Variants in NSMCE2 observed in about 807,000 individuals in gnomAD.
The protein encoded by NSMCE2 is NSE2 SUMO ligase component of SMC5/6 complex.
Under a neutral mutation model 23.8 loss-of-function variants are expected in NSMCE2, and 24 were observed. The ratio of observed to expected loss-of-function variants is 1.01; its 90% CI spans 0.73 to 1.42. NSMCE2 has a LOEUF of 1.42. NSMCE2 is among the 40% of genes most tolerant of loss of function. The probability of loss-of-function intolerance (pLI) is 0.00; values close to 1 mark genes in which losing one functional copy is unlikely to be tolerated. For missense variants in NSMCE2, 284 were observed against 296.5 expected (o/e 0.96, Z 0.31); for synonymous variants, 92 against 94.1 (o/e 0.98, Z 0.13).
At chr8:125,149,539 T>G (rs1366999224) in intron 3 of NSMCE2, among the ~76,000 whole-genome samples, 1 of 152,138 alleles carries the variant, frequency 6.6e-6, no homozygotes, top group Non-Finnish European at 1.5e-5. Context: ...AATTCAAAGT[T>G]TTTAGTTGAA....
At chr8:125,263,069 T>C (rs1388536323) in intron 5 of NSMCE2, among the ~76,000 whole-genome samples, 1 of 152,206 alleles carries the variant, frequency 6.6e-6, no homozygotes, top group East Asian at 1.9e-4. Context: ...GAATGATAAC[T>C]ATAGTGAATG....
At chr8:125,200,937 T>C (rs144059176) in intron 5 of NSMCE2, among the ~76,000 whole-genome samples, 3 of 152,210 alleles carry the variant, frequency 2.0e-5, no homozygotes, top group African/African-American at 4.8e-5. Context: ...ATCACTGATA[T>C]CATTTCTTCC....
chr8:125,275,749 A>G (rs1289985972), intron 5 of NSMCE2, among the ~76,000 whole-genome samples: 2 of 151,842 alleles, frequency 1.3e-5, no homozygotes, highest in East Asian at 1.9e-4. Context: ...CCACAATCCT[A>G]TGAATAAATA....
chr8:125,306,890 C>A lies in NSMCE2; in HGVS notation c.419-50329C>A, dbSNP rs1469883439. The stretch of plus-strand genomic sequence containing the variant: ...GATGGGAATATAATGATATTACCTA[C>A]ATCCTTAGCATTATGTGAGGAATAA... On this transcript the variant is annotated intron_variant, in intron 5 of 7. Coordinates refer to ENST00000287437, the MANE Select transcript of NSMCE2 (RefSeq NM_173685.4). 2.6e-5 allele frequency among the ~76,000 whole-genome samples: 4 copies of A among 152,338 alleles called. No homozygotes were observed. In the East Asian group the frequency reaches 5.8e-4, roughly 22 times the overall value.
At position 125,153,674 on chromosome 8, in the gene NSMCE2, T is replaced by A. The variant is rs553376277; in HGVS notation, c.264+2397T>A. 1.1e-3 allele frequency among the ~76,000 whole-genome samples: 161 copies of A among 152,318 alleles called. 3 individuals carry two copies. The highest frequency in any genetic ancestry group is 1.3e-3 in the Non-Finnish European group (86 of 68,022). ...AGTTATGATCCCTGGTCAAGAAACC[T>A]AACCTCTTGAAAACTCATGTTTTTT... On this transcript the variant is annotated intron_variant, in intron 4 of 7. Coordinates refer to ENST00000287437, the MANE Select transcript of NSMCE2 (RefSeq NM_173685.4).
At chr8:125,111,610 G>A (rs1010793750) in intron 3 of NSMCE2, among the ~76,000 whole-genome samples, 21 of 152,174 alleles carry the variant, frequency 1.4e-4, no homozygotes, top group Non-Finnish European at 8.8e-5. Flanking sequence ...GATCAGCCTG[G>A]CCAACATGGT....
chr8:125,191,546 C>T (rs1013540453), intron 5 of NSMCE2, among the ~76,000 whole-genome samples: 18 of 152,116 alleles, frequency 1.2e-4, no homozygotes, highest in African/African-American at 3.4e-4. Flanking sequence ...GAATCTTTTT[C>T]GGTCACTTGC....
intron 5 of NSMCE2, among the ~76,000 whole-genome samples, chr8:125,338,689 A>G (rs774998513): frequency 6.6e-6 from 1 of 152,226 alleles, no homozygotes; most frequent in Non-Finnish European, 1.5e-5. Context: ...TGTAAACTCT[A>G]CTTTACTTCT....
intron 4 of NSMCE2, among the ~76,000 whole-genome samples, chr8:125,180,434 A>T (rs1266957819): frequency 6.6e-6 from 1 of 152,234 alleles, no homozygotes; most frequent in East Asian, 1.9e-4. Flanking sequence ...TTTCATGCTT[A>T]ATTCTCATTT....
intron 4 of NSMCE2, among the ~76,000 whole-genome samples, chr8:125,173,275 C>T (rs1314986159): frequency 6.6e-6 from 1 of 152,128 alleles, no homozygotes; most frequent in African/African-American, 2.4e-5. Flanking sequence ...ACCAGCAGAA[C>T]CAGAGTCGCA....
At chr8:125,138,710 G>A (rs549762627) in intron 3 of NSMCE2, among the ~76,000 whole-genome samples, 1 of 152,312 alleles carries the variant, frequency 6.6e-6, no homozygotes, top group Non-Finnish European at 1.5e-5. Flanking sequence ...CTCGGTCAAA[G>A]GAATTTGATG....
At chr8:125,210,615 A>G (rs1387408290) in intron 5 of NSMCE2, among the ~76,000 whole-genome samples, 1 of 152,100 alleles carries the variant, frequency 6.6e-6, no homozygotes, top group Non-Finnish European at 1.5e-5. Flanking sequence ...TTTCAGCCTA[A>G]AAATTGCCTC....
intron 5 of NSMCE2, among the ~76,000 whole-genome samples, chr8:125,262,610 T>C (rs1172953736): frequency 2.0e-5 from 3 of 152,214 alleles, no homozygotes; most frequent in Non-Finnish European, 4.4e-5. Context: ...GAGCTTACTA[T>C]GTGCCAGGCA....
At chr8:125,203,144 T>G (rs180919967) in intron 5 of NSMCE2, among the ~76,000 whole-genome samples, 2 of 151,906 alleles carry the variant, frequency 1.3e-5, no homozygotes, top group Non-Finnish European at 2.9e-5. Flanking sequence ...AGATTTAAAT[T>G]GAAAAAAATG....
At chr8:125,218,385 T>TC (rs1824695574) in intron 5 of NSMCE2, among the ~76,000 whole-genome samples, 1 of 150,834 alleles carries the variant, frequency 6.6e-6, no homozygotes, top group South Asian at 2.1e-4. Flanking sequence ...GCATTTGGGA[T>TC]AAAAATAGCA....
chr8:125,357,356 A>T, intron 6 of NSMCE2, 37 bp downstream of exon 6: 1 of 1,326,202 alleles, frequency 7.5e-7, no homozygotes, highest in Non-Finnish European at 1.1e-6. Flanking sequence ...AAGAAACACG[A>T]TTCACTTCAC....
intron 5 of NSMCE2, among the ~76,000 whole-genome samples, chr8:125,217,268 T>G (rs181676724): frequency 1.8e-4 from 28 of 152,324 alleles, no homozygotes; most frequent in African/African-American, 6.3e-4. Flanking sequence ...GAATCTCCAC[T>G]GTAATTTTCA....
chr8:125,303,725 A>G lies in NSMCE2; in HGVS notation c.419-53494A>G, dbSNP rs190463521. On this transcript the variant is annotated intron_variant, in intron 5 of 7. Transcript: ENST00000287437. ...AGTAAAACAGAGAGGAAATTTAAATAGTACAGGTAATTTTGTCCACCAGTC... is the reference window on the plus strand; with the variant it reads ...AGTAAAACAGAGAGGAAATTTAAATGGTACAGGTAATTTTGTCCACCAGTC... 5.3e-5 allele frequency among the ~76,000 whole-genome samples: 8 copies of G among 152,330 alleles called. No individual in the cohort carries two copies. In the East Asian group the frequency reaches 1.3e-3, roughly 26 times the overall value.
intron 5 of NSMCE2, among the ~76,000 whole-genome samples, chr8:125,352,910 T>C (rs1813098615): frequency 6.6e-6 from 1 of 152,196 alleles, no homozygotes; most frequent in African/African-American, 2.4e-5. Context: ...GTTTAGCTAT[T>C]GAGAGTCTTT....
Sources: gnomAD v4.1 joint callset for allele counts (sites outside exome capture counted in the v4.1 genomes callset) on GRCh38, gnomAD v4.1.1 for gene constraint, MANE v1.5 for transcripts, NCBI Gene and HGNC (gene_info 2026-07-23, HGNC 2026-07-21) for gene names.